PIGN: variants seen among roughly 807,000 people sequenced by gnomAD.
PIGN encodes GPI ethanolamine phosphate transferase 1.
Under a neutral mutation model 125.4 loss-of-function variants are expected in PIGN, and 117 were observed. The ratio of observed to expected loss-of-function variants is 0.93; its 90% CI spans 0.80 to 1.09. The LOEUF is 1.09. PIGN is among the 50% of genes least tolerant of loss of function. The pLI is 0.00. For synonymous variants in PIGN, 392 were observed against 377.8 expected (o/e 1.04, Z -0.44); for missense variants, 1,075 against 1,094.9 (o/e 0.98, Z 0.26).
intron 13 of PIGN, 99 bp downstream of exon 13, chr18:62,138,884 T>C (rs893375020): frequency 6.3e-6 from 4 of 635,166 alleles, no homozygotes; most frequent in Admixed American, 2.9e-5. Context: ...TACAGGGAAA[T>C]AGTTAAAAAC....
At chr18:62,171,746 T>C (rs112762684) in intron 1 of PIGN, among the ~76,000 whole-genome samples, 10,415 of 152,226 alleles carry the variant, frequency 0.068, 425 homozygotes, top group Middle Eastern at 0.15. Context: ...GAATTAATAT[T>C]TTGGCCTGTT....
chr18:62,138,201 A>T (rs1216556931), intron 14 of PIGN, 42 bp downstream of exon 14: 1 of 1,537,358 alleles, frequency 6.5e-7, no homozygotes. Context: ...CTCAGTGGAA[A>T]ATTCTTTCCT....
intron 4 of PIGN, among the ~76,000 whole-genome samples, chr18:62,159,660 G>A (rs1041301553): frequency 2.6e-5 from 4 of 151,962 alleles, no homozygotes; most frequent in South Asian, 2.1e-4. Context: ...CTGAGCTATC[G>A]TAAATTTAGT....
intron 17 of PIGN, among the ~76,000 whole-genome samples, chr18:62,108,240 T>A (rs1035055773): frequency 1.3e-5 from 2 of 152,208 alleles, no homozygotes; most frequent in Admixed American, 6.5e-5. Flanking sequence ...AATTTTTATG[T>A]CTTTTTCCTA....
chr18:62,119,823 A>C (rs943546654), intron 14 of PIGN, among the ~76,000 whole-genome samples: 1 of 149,854 alleles, frequency 6.7e-6, no homozygotes, highest in African/African-American at 2.5e-5. Context: ...CAGCCTGGGC[A>C]ACAGAGTGAG....
rs763448928 is a variant in PIGN, at chr18:62,161,260, T to C, written c.94A>G (p.Met32Val). ...IYFTSPLVHG[M>V]TPQFTPLPPP... ...GGCAATGGTGTAAACTGAGGAGTCA[T>C]TCCATGAACCAAAGGAGATGTAAAA... The change falls in exon 4 of 31, where the codon ATG becomes GTG. Residue 32 changes from methionine to valine, a missense_variant. Transcript: ENST00000640252. 16 of 1,613,692 alleles carry C rather than the reference T, an allele frequency of 9.9e-6. No individual in the cohort carries two copies. Among genetic ancestry groups the C allele is most frequent in the Non-Finnish European group, 1.4e-5 (16 of 1,179,724 alleles).
intron 28 of PIGN, among the ~76,000 whole-genome samples, chr18:62,077,289 A>G (rs1384019877): frequency 6.6e-6 from 1 of 152,030 alleles, no homozygotes; most frequent in African/African-American, 2.4e-5. Flanking sequence ...GAGGCACGAG[A>G]ATCGATTGAA....
At chr18:62,034,722 T>C (rs1180557505) in intron 23 of PIGN, among the ~76,000 whole-genome samples, 1 of 152,220 alleles carries the variant, frequency 6.6e-6, no homozygotes, top group African/African-American at 2.4e-5. Flanking sequence ...ATTTACCCAA[T>C]ATCTGTACCC....
At chr18:62,185,629 A>T (rs2037905405) in intron 1 of PIGN, among the ~76,000 whole-genome samples, 1 of 152,244 alleles carries the variant, frequency 6.6e-6, no homozygotes, top group Admixed American at 6.5e-5. Context: ...TTTACTGTGG[A>T]ATGTTTACTA....
At chr18:62,086,245 G>C (rs2033694384) in intron 25 of PIGN, among the ~76,000 whole-genome samples, 1 of 152,230 alleles carries the variant, frequency 6.6e-6, no homozygotes, top group Non-Finnish European at 1.5e-5. Flanking sequence ...AAAAAGGCTT[G>C]ACAGATAGGA....
intron 30 of PIGN, among the ~76,000 whole-genome samples, chr18:62,057,898 TAATA>T (rs879326250): frequency 1.3e-5 from 2 of 152,176 alleles, no homozygotes; most frequent in Admixed American, 6.5e-5. Flanking sequence ...CTTAATAAAT[TAATA>T]AATAAAGACT....
intron 9 of PIGN, 51 bp downstream of exon 9, chr18:62,146,920 A>C: frequency 6.4e-7 from 1 of 1,571,648 alleles, no homozygotes; most frequent in African/African-American, 1.3e-5. Context: ...TACCAGCTAC[A>C]TTTATCACTA....
chr18:62,186,436 T>G (rs2038020095), intron 1 of PIGN: 1 of 152,290 alleles, frequency 6.6e-6, no homozygotes, highest in African/African-American at 2.4e-5. Flanking sequence ...GAAGGGTCCC[T>G]GTTGTGTAAA....
intron 29 of PIGN, among the ~76,000 whole-genome samples, chr18:62,073,307 T>C (rs912351840): frequency 7.2e-5 from 11 of 151,934 alleles, no homozygotes; most frequent in East Asian, 1.9e-4. Flanking sequence ...AGGCTTCCCA[T>C]TGCAAGGTGA....
intron 8 of PIGN, 80 bp downstream of exon 8, chr18:62,148,134 C>T (rs1384167694): frequency 8.9e-7 from 1 of 1,121,378 alleles, no homozygotes. Context: ...TGTTATAATT[C>T]CAAAGAAAAC....
intron 14 of PIGN, among the ~76,000 whole-genome samples, chr18:62,130,485 T>C (rs1397520387): frequency 1.3e-5 from 2 of 152,100 alleles, no homozygotes; most frequent in African/African-American, 4.8e-5. Flanking sequence ...ACTAAATTGT[T>C]TTTATTGAAA....
At chr18:62,097,548 A>T (rs900895738) in intron 22 of PIGN, among the ~76,000 whole-genome samples, 3 of 151,778 alleles carry the variant, frequency 2.0e-5, no homozygotes, top group African/African-American at 7.3e-5. Context: ...TAGAAATACC[A>T]TTTGACCCAG....
chr18:62,102,862 C>CA lies in PIGN; in HGVS notation c.1899dup (p.Val634CysfsTer11), dbSNP rs2034499289. 6 of 1,587,376 alleles carry CA rather than the reference C, an allele frequency of 3.8e-6. No individual in the cohort carries two copies. The highest frequency in any genetic ancestry group is 1.7e-6 in the Non-Finnish European group (2 of 1,165,820). On this transcript the variant is annotated frameshift_variant, in exon 21 of 31. Coordinates refer to ENST00000640252, the MANE Select transcript of PIGN (RefSeq NM_176787.5). LOFTEE classifies it high-confidence loss of function. The stretch of plus-strand genomic sequence containing the variant: ...TTTCTTTTCATGAGAGATGTTACAA[C>CA]ACACAGGGATAACAGAAGAACCAGC...
At chr18:62,070,874 G>A (rs2145667540) in intron 30 of PIGN, among the ~76,000 whole-genome samples, 1 of 152,154 alleles carries the variant, frequency 6.6e-6, no homozygotes, top group African/African-American at 2.4e-5. Flanking sequence ...CCCAGTCATG[G>A]CTCACTAAAC....
Sources: gnomAD v4.1 joint callset for allele counts (sites outside exome capture counted in the v4.1 genomes callset) on GRCh38, gnomAD v4.1.1 for gene constraint, MANE v1.5 for transcripts, NCBI Gene and HGNC (gene_info 2026-07-23, HGNC 2026-07-21) for gene names.